Variants in TANC2 observed in about 807,000 individuals in gnomAD.
TANC2 encodes tetratricopeptide repeat, ankyrin repeat and coiled-coil containing 2, also known as protein TANC2.
A neutral mutation model predicts 210.5 loss-of-function variants in TANC2; 26 were observed. That is an observed-to-expected ratio of 0.12 (90% CI 0.09 to 0.17). The LOEUF is 0.17. TANC2 is among the 10% of genes least tolerant of loss of function. TANC2 has a pLI of 1.00. For synonymous variants in TANC2, 931 were observed against 967.1 expected (o/e 0.96, Z 0.69); for missense variants, 2,129 against 2,608.9 (o/e 0.82, Z 4.01).
At chr17:63,026,251 A>T (rs971611287) in intron 2 of TANC2, among the ~76,000 whole-genome samples, 1 of 151,998 alleles carries the variant, frequency 6.6e-6, no homozygotes, top group Non-Finnish European at 1.5e-5. Context: ...TGTCTTTCCT[A>T]CTAGAGTACA....
intron 9 of TANC2, among the ~76,000 whole-genome samples, chr17:63,297,756 G>GA (rs912920803): frequency 4.6e-5 from 7 of 151,786 alleles, no homozygotes; most frequent in African/African-American, 1.7e-4. Context: ...AGGACACTGT[G>GA]AAAAAAATGA....
intron 2 of TANC2, among the ~76,000 whole-genome samples, chr17:63,011,270 A>C (rs1194038561): frequency 1.3e-5 from 2 of 151,696 alleles, no homozygotes; most frequent in African/African-American, 4.8e-5. Context: ...GCTTCTTCTT[A>C]TTGAATTCTA....
At chr17:63,359,217 C>G (rs1250080063) in intron 14 of TANC2, among the ~76,000 whole-genome samples, 1 of 151,992 alleles carries the variant, frequency 6.6e-6, no homozygotes, top group East Asian at 1.9e-4. Flanking sequence ...GCACATGCCA[C>G]CATGCCTAAT....
exon 6 of TANC2, chr17:63,194,038 G>A: frequency 6.2e-7 from 1 of 1,613,094 alleles, no homozygotes; most frequent in South Asian, 1.1e-5. Context: ...AGATGAGGCA[G>A]CAAACACACT....
rs150131034 is a variant in TANC2 at position 63,085,766 on chromosome 17, T to C, written c.139+11752T>C. Among the ~76,000 whole-genome samples the C allele has an allele frequency of 1.6e-4, 25 of 152,292 alleles. No homozygotes were observed. The East Asian group carries it at 4.8e-3, about 29-fold the overall frequency. ...ACATAATCAAATATATTGTTGCTAT[T>C]ATTATTTTGAACAACTTATGTGTTA... is the stretch of plus-strand genomic sequence containing the variant. On this transcript the variant is annotated intron_variant, in intron 3 of 27. Transcript: ENST00000689528.
chr17:63,281,351 A>G (rs1052930801), intron 9 of TANC2, among the ~76,000 whole-genome samples: 2 of 152,122 alleles, frequency 1.3e-5, no homozygotes, highest in Admixed American at 6.6e-5. Context: ...TTCTAAAAGA[A>G]AGGGAGCTGC....
At chr17:63,180,438 A>T (rs1205700473) in intron 5 of TANC2, among the ~76,000 whole-genome samples, 1 of 152,202 alleles carries the variant, frequency 6.6e-6, no homozygotes, top group Non-Finnish European at 1.5e-5. Context: ...GGAGGGAAGG[A>T]TGATAGAGTT....
intron 1 of TANC2, among the ~76,000 whole-genome samples, chr17:62,976,710 A>C (rs1050974306): frequency 6.6e-6 from 1 of 152,212 alleles, no homozygotes; most frequent in Non-Finnish European, 1.5e-5. Context: ...TACTACCTGT[A>C]ATAAAAAAAA....
chr17:63,220,950 A>G (rs974730457), intron 7 of TANC2, among the ~76,000 whole-genome samples: 8 of 151,726 alleles, frequency 5.3e-5, no homozygotes, highest in Non-Finnish European at 7.4e-5. Context: ...CAAAAATTCA[A>G]CGTGGATCAT....
chr17:63,121,988 G>C (rs949961034), intron 4 of TANC2, among the ~76,000 whole-genome samples: 1 of 151,262 alleles, frequency 6.6e-6, no homozygotes, highest in Non-Finnish European at 1.5e-5. Context: ...GGGGGGAAGA[G>C]GGGGAGGGGA....
chr17:63,216,500 G>C lies in TANC2; in HGVS notation c.769+15543G>C, dbSNP rs372205747. On this transcript the variant is annotated intron_variant, in intron 7 of 27. Coordinates refer to ENST00000689528, the Ensembl canonical transcript of TANC2. The stretch of plus-strand genomic sequence containing the variant: ...AAATTATTGAACTCGAGGAGGTTGT[G>C]TGAATCCCCACTCTATAGCCAATTG... Among the ~76,000 whole-genome samples the C allele has an allele frequency of 4.6e-5, 7 of 152,284 alleles. No homozygotes were observed. The East Asian group carries it at 1.2e-3, about 25-fold the overall frequency.
chr17:63,200,110 C>T (rs1267690901), intron 6 of TANC2, among the ~76,000 whole-genome samples: 1 of 151,830 alleles, frequency 6.6e-6, no homozygotes, highest in South Asian at 2.1e-4. Context: ...AATCCCAGCA[C>T]TTTGGGAGGT....
At chr17:63,377,962 A>G (rs910266175) in intron 14 of TANC2, among the ~76,000 whole-genome samples, 1 of 152,148 alleles carries the variant, frequency 6.6e-6, no homozygotes, top group African/African-American at 2.4e-5. Flanking sequence ...AGAACTCACT[A>G]TCATGAGAAC....
In TANC2 at chr17:63,200,921, A is replaced by C; in HGVS notation, c.733A>C (p.Thr245Pro). ...CAGCTATGGGGCTGTTACTAGTCCA[A>C]CCTCTACCCTTGAAAGCAGAGATAG... Residue 245 changes from threonine to proline, a missense_variant, in exon 7 of 28, where the codon ACC (threonine) becomes CCC (proline). Transcript: ENST00000689528. The C allele has an allele frequency of 2.5e-6, 4 of 1,612,600 alleles. No individual in the cohort carries two copies. The highest frequency in any genetic ancestry group is 3.4e-6 in the Non-Finnish European group (4 of 1,179,448).
chr17:63,406,314 C>T, intron 21 of TANC2, 37 bp downstream of exon 21: 2 of 1,605,774 alleles, frequency 1.2e-6, no homozygotes, highest in Non-Finnish European at 8.5e-7. Context: ...TGGCCAGTTT[C>T]CATAATTACC....
chr17:63,127,114 C>T (rs2038739600), intron 4 of TANC2, among the ~76,000 whole-genome samples: 1 of 152,088 alleles, frequency 6.6e-6, no homozygotes, highest in Admixed American at 6.5e-5. Context: ...GCTGTTTTTT[C>T]TTGTTATTAC....
chr17:63,292,215 G>C (rs1023564029), intron 9 of TANC2, among the ~76,000 whole-genome samples: 1 of 152,004 alleles, frequency 6.6e-6, no homozygotes, highest in African/African-American at 2.4e-5. Context: ...GTCTTCCTTT[G>C]AGATTGATAA....
chr17:63,420,579 C>T lies in TANC2; in HGVS notation c.4849C>T (p.Pro1617Ser). The T allele has an allele frequency of 8.1e-6, 13 of 1,613,906 alleles. No individual in the cohort carries two copies. The highest frequency in any genetic ancestry group is 1.0e-5 in the Non-Finnish European group (12 of 1,179,854). Residue 1617 changes from proline to serine, a missense_variant, in exon 28 of 28, where the codon CCT (proline) becomes TCT (serine). By Grantham distance (74) the Pro-to-Ser change is moderately conservative. Transcript: ENST00000689528. The surrounding 1 kb of genome is among the most constrained non-coding windows in gnomAD (Gnocchi z 4.2). Reference sequence around the variant, plus strand: ...GGGCAAAGAATACCCAAGCCCTCCCCCTTCCCCTCTCCGGAGAGGCCCTCA... The same window carrying T: ...GGGCAAAGAATACCCAAGCCCTCCCTCTTCCCCTCTCCGGAGAGGCCCTCA...
intron 2 of TANC2, among the ~76,000 whole-genome samples, chr17:63,034,829 G>T (rs575278512): frequency 1.3e-5 from 2 of 152,322 alleles, no homozygotes; most frequent in South Asian, 4.1e-4. Context: ...TTGAATGGAT[G>T]AGAAGTTACT....
Sources: allele counts gnomAD v4.1 joint callset (sites outside exome capture counted in the v4.1 genomes callset), GRCh38; gene constraint gnomAD v4.1.1; non-coding constraint Gnocchi (gnomAD v3.1); transcripts MANE v1.5; gene names NCBI Gene and HGNC (gene_info 2026-07-23, HGNC 2026-07-21).